Variants in CSMD1 observed in about 807,000 individuals in gnomAD.
CSMD1 encodes the protein CUB and sushi domain-containing protein 1.
In CSMD1, 213 loss-of-function variants were observed where a neutral mutation model predicts 417.5. That is an observed-to-expected ratio of 0.51 (90% CI 0.46 to 0.57). The LOEUF is 0.57. CSMD1 is among the 20% of genes least tolerant of loss of function. The probability of loss-of-function intolerance (pLI) is 0.00; values close to 1 mark genes in which losing one functional copy is unlikely to be tolerated. For missense variants in CSMD1, 6,923 were observed against 4,529.7 expected, an observed-to-expected ratio of 1.53 and a Z score of -15.17; for synonymous variants, 2,862 against 1,736.8, an observed-to-expected ratio of 1.65 and a Z score of -16.11.
chr8:4,436,197 T>A (rs1220999599), intron 2 of CSMD1, among the ~76,000 whole-genome samples: 1 of 152,200 alleles, frequency 6.6e-6, no homozygotes. Flanking sequence ...ACACTGGCTT[T>A]AGGCTTCTTA....
chr8:4,387,267 G>C (rs552138460), intron 3 of CSMD1, among the ~76,000 whole-genome samples: 2 of 152,012 alleles, frequency 1.3e-5, no homozygotes, highest in African/African-American at 4.8e-5. Context: ...TAAGCTATAG[G>C]AGCAGACTTT....
At chr8:4,728,298 G>T (rs1809608175) in intron 1 of CSMD1, among the ~76,000 whole-genome samples, 1 of 151,074 alleles carries the variant, frequency 6.6e-6, no homozygotes, top group Non-Finnish European at 1.5e-5. Context: ...TTTAATATTA[G>T]GTGTTTATAT....
At chr8:4,879,144 G>A (rs77479706) in intron 1 of CSMD1, among the ~76,000 whole-genome samples, 1,580 of 152,120 alleles carry the variant, frequency 0.01, 52 homozygotes, top group African/African-American at 0.036. Context: ...AAATATGGTG[G>A]CAGCTTTAAA....
At chr8:4,213,261 G>T (rs964371924) in intron 3 of CSMD1, among the ~76,000 whole-genome samples, 4 of 152,144 alleles carry the variant, frequency 2.6e-5, no homozygotes, top group African/African-American at 9.7e-5. Flanking sequence ...GTCAGCAAGT[G>T]AGGCGGGGTC....
chr8:4,357,994 C>A (rs1021963837), intron 3 of CSMD1, among the ~76,000 whole-genome samples: 1 of 152,096 alleles, frequency 6.6e-6, no homozygotes, highest in Non-Finnish European at 1.5e-5. Flanking sequence ...TAATAAACAT[C>A]TCCCTCCCCT....
At chr8:3,891,305 C>A (rs1806954453) in intron 5 of CSMD1, among the ~76,000 whole-genome samples, 1 of 152,140 alleles carries the variant, frequency 6.6e-6, no homozygotes, top group African/African-American at 2.4e-5. Flanking sequence ...CTGCCTCAAC[C>A]TCCCAAAGTG....
intron 2 of CSMD1, among the ~76,000 whole-genome samples, chr8:4,629,945 T>C (rs1264521791): frequency 6.6e-6 from 1 of 152,188 alleles, no homozygotes; most frequent in Non-Finnish European, 1.5e-5. Context: ...TCCTTCTCTC[T>C]AGCCAACCGC....
rs1303361562 is a variant in CSMD1 at position 4,266,562 on chromosome 8, A to G, written c.415+153391T>C. Among the ~76,000 whole-genome samples the G allele has an allele frequency of 8.6e-5, 9 of 104,958 alleles. 2 individuals carry two copies. Among genetic ancestry groups the G allele is most frequent in the African/African-American group, 2.3e-4 (9 of 38,444 alleles). The allele number at this position is 104,958 out of a possible 152,430, so 68.9% of individuals were successfully genotyped here. A position where few individuals can be genotyped will look rare whatever the true frequency, so the allele number is the denominator to read the frequency against. ...TGCCTCATATCCTTCCTTCAGAAAA[A>G]CAATTTTAAACAAGTACACCATACA... On this transcript the variant is annotated intron_variant, in intron 3 of 69. Coordinates refer to ENST00000635120, the MANE Select transcript of CSMD1 (RefSeq NM_033225.6).
chr8:4,206,883 A>T (rs1800011811), intron 3 of CSMD1, among the ~76,000 whole-genome samples: 1 of 152,180 alleles, frequency 6.6e-6, no homozygotes, highest in South Asian at 2.1e-4. Context: ...ATTTTTCCAT[A>T]GTTCAGAAAC....
chr8:4,992,292 G>A (rs1811512403), intron 1 of CSMD1, among the ~76,000 whole-genome samples: 1 of 152,186 alleles, frequency 6.6e-6, no homozygotes, highest in Non-Finnish European at 1.5e-5. Flanking sequence ...AATCCGCCCG[G>A]CACACACGTG....
At chr8:3,045,077 A>T (rs933475066) in intron 50 of CSMD1, among the ~76,000 whole-genome samples, 4 of 152,242 alleles carry the variant, frequency 2.6e-5, no homozygotes, top group African/African-American at 9.6e-5. Flanking sequence ...GAATTTTAAC[A>T]AAACAGCCAC....
intron 2 of CSMD1, among the ~76,000 whole-genome samples, chr8:4,438,941 C>T (rs1267331881): frequency 1.3e-5 from 2 of 152,138 alleles, no homozygotes; most frequent in African/African-American, 2.4e-5. Flanking sequence ...TGTAGGATTC[C>T]GTAAATGAAT....
At chr8:4,183,120 C>T (rs1798471087) in intron 3 of CSMD1, among the ~76,000 whole-genome samples, 1 of 152,072 alleles carries the variant, frequency 6.6e-6, no homozygotes, top group Non-Finnish European at 1.5e-5. Context: ...CATCTTTATG[C>T]AGTGATAATT....
At chr8:4,774,948 C>A (rs1232425157) in intron 1 of CSMD1, among the ~76,000 whole-genome samples, 3 of 152,156 alleles carry the variant, frequency 2.0e-5, no homozygotes, top group African/African-American at 4.8e-5. Context: ...GCCTGCAAAA[C>A]CTTGAGCAAA....
At chr8:4,103,544 C>G (rs567919209) in intron 3 of CSMD1, among the ~76,000 whole-genome samples, 3 of 151,822 alleles carry the variant, frequency 2.0e-5, no homozygotes, top group South Asian at 2.1e-4. Context: ...ACATGTAAAA[C>G]TGACTGCATC....
At chr8:4,641,243 T>A (rs1277020499) in intron 1 of CSMD1, among the ~76,000 whole-genome samples, 1 of 152,046 alleles carries the variant, frequency 6.6e-6, no homozygotes, top group African/African-American at 2.4e-5. Flanking sequence ...CCTGAACACA[T>A]GCCATAATTT....
intron 6 of CSMD1, among the ~76,000 whole-genome samples, chr8:3,737,169 T>C (rs1047322575): frequency 1.3e-5 from 2 of 152,238 alleles, no homozygotes; most frequent in Non-Finnish European, 2.9e-5. Context: ...TAATAAAAAT[T>C]GCATTTCCTA....
At chr8:3,564,706 T>C (rs1799624032) in intron 10 of CSMD1, among the ~76,000 whole-genome samples, 1 of 151,844 alleles carries the variant, frequency 6.6e-6, no homozygotes, top group Admixed American at 6.6e-5. Context: ...GTGGAGAATG[T>C]ACGTGCCCTT....
chr8:4,506,143 T>A (rs1199045149), intron 2 of CSMD1, among the ~76,000 whole-genome samples: 1 of 152,198 alleles, frequency 6.6e-6, no homozygotes, highest in East Asian at 1.9e-4. Context: ...TACTGCTGTA[T>A]TAGATTGGTG....
Sources: allele counts gnomAD v4.1 joint callset (sites outside exome capture counted in the v4.1 genomes callset), GRCh38; gene constraint gnomAD v4.1.1; transcripts MANE v1.5; gene names NCBI Gene and HGNC (gene_info 2026-07-23, HGNC 2026-07-21).